The following ABCC4 variants were observed in gnomAD, a reference collection of about 807,000 sequenced individuals.
ABCC4 encodes ATP-binding cassette sub-family C member 4.
ABCC4 carries 102 observed loss-of-function variants against 168.5 expected under a neutral mutation model. The observed-to-expected ratio is 0.61, with a 90% CI of 0.52 to 0.71. ABCC4 has a LOEUF of 0.71. ABCC4 is among the 30% of genes least tolerant of loss of function. The probability of loss-of-function intolerance (pLI) is 0.00; values close to 1 mark genes in which losing one functional copy is unlikely to be tolerated. For synonymous variants in ABCC4, 617 were observed against 590.7 expected (o/e 1.04, Z -0.65); for missense variants, 1,402 against 1,605.8 (o/e 0.87, Z 2.17).
At chr13:95,088,559 A>G (rs2034330611) in intron 20 of ABCC4, among the ~76,000 whole-genome samples, 1 of 152,214 alleles carries the variant, frequency 6.6e-6, no homozygotes, top group Admixed American at 6.5e-5. Context: ...CATGAAATCA[A>G]TGTAATTAGA....
intron 20 of ABCC4, among the ~76,000 whole-genome samples, chr13:95,093,712 G>C (rs924650500): frequency 6.6e-6 from 1 of 152,072 alleles, no homozygotes; most frequent in Admixed American, 6.6e-5. Context: ...ACAAAAGAAA[G>C]AAATAAAGGG....
chr13:95,168,822 T>C (rs536437994), intron 14 of ABCC4, among the ~76,000 whole-genome samples: 2 of 152,322 alleles, frequency 1.3e-5, no homozygotes, highest in African/African-American at 2.4e-5. Context: ...CTAGCTCTTA[T>C]AGGTTGAATG....
intron 20 of ABCC4, among the ~76,000 whole-genome samples, chr13:95,102,418 C>T (rs1044918130): frequency 7.3e-5 from 11 of 151,714 alleles, no homozygotes; most frequent in African/African-American, 2.7e-4. Flanking sequence ...ATTGCTAGGA[C>T]TACAACCATA....
intron 1 of ABCC4, among the ~76,000 whole-genome samples, chr13:95,281,194 C>A (rs1368356978): frequency 6.6e-6 from 1 of 150,664 alleles, no homozygotes; most frequent in Admixed American, 6.7e-5. Flanking sequence ...CCTGTAATCC[C>A]AGCTACTTGG....
intron 20 of ABCC4, among the ~76,000 whole-genome samples, chr13:95,093,012 C>T (rs2034484013): frequency 6.6e-6 from 1 of 152,012 alleles, no homozygotes; most frequent in African/African-American, 2.4e-5. Context: ...ATACCCTGAA[C>T]AGACCAATAA....
intron 1 of ABCC4, among the ~76,000 whole-genome samples, chr13:95,277,336 T>C (rs2138902716): frequency 6.6e-6 from 1 of 152,086 alleles, no homozygotes; most frequent in Admixed American, 6.6e-5. Context: ...ATCCAAGCAC[T>C]TTGGGAGGCC....
At chr13:95,143,983 G>A (rs904684849) in intron 19 of ABCC4, among the ~76,000 whole-genome samples, 2 of 152,146 alleles carry the variant, frequency 1.3e-5, no homozygotes, top group African/African-American at 4.8e-5. Context: ...AGGTGAAGAA[G>A]ACAGAGGTTA....
chr13:95,084,733 A>G (rs2034201908), intron 20 of ABCC4, among the ~76,000 whole-genome samples: 1 of 152,244 alleles, frequency 6.6e-6, no homozygotes, highest in Non-Finnish European at 1.5e-5. Flanking sequence ...TGATAACAAT[A>G]GCAAATGACA....
intron 13 of ABCC4, among the ~76,000 whole-genome samples, chr13:95,172,840 G>A (rs1329898872): frequency 6.6e-6 from 1 of 152,034 alleles, no homozygotes; most frequent in Admixed American, 6.6e-5. Context: ...GATCACTTGA[G>A]CCCAGGAGGT....
intron 15 of ABCC4, among the ~76,000 whole-genome samples, chr13:95,164,819 T>G (rs1336464674): frequency 1.3e-5 from 2 of 152,132 alleles, no homozygotes; most frequent in African/African-American, 2.4e-5. Flanking sequence ...CTCAGCCTCC[T>G]GAGTAGCAGG....
At chr13:95,219,276 T>G (rs544571065) in intron 4 of ABCC4, among the ~76,000 whole-genome samples, 1 of 152,090 alleles carries the variant, frequency 6.6e-6, no homozygotes, top group South Asian at 2.1e-4. Context: ...CCAACTGAAC[T>G]GGTTTATCGA....
intron 11 of ABCC4, among the ~76,000 whole-genome samples, chr13:95,184,661 C>G (rs2139613921): frequency 6.6e-6 from 1 of 152,324 alleles, no homozygotes; most frequent in Middle Eastern, 3.4e-3. Context: ...GCAACAAAGC[C>G]TTCCCAAGAA....
At position 95,210,648 on chromosome 13, in the gene ABCC4, G is replaced by C. The variant is rs776629453; in HGVS notation, c.621+44C>G. The C allele has an allele frequency of 5.5e-6, 8 of 1,461,648 alleles. No individual in the cohort carries two copies. In the Admixed American group the frequency reaches 8.4e-5, roughly 15 times the overall value. 90.5% of individuals were successfully genotyped at this position (1,461,648 alleles called of 1,614,324 possible). On this transcript the variant is annotated intron_variant, in intron 5 of 30. Coordinates refer to ENST00000645237, the MANE Select transcript of ABCC4 (RefSeq NM_005845.5). ...CCAGAAAGAATAAAAGGGGAAAGAGGGGTGTTTAATGCAATGAAAAAGGAT... is the reference window on the plus strand; with the variant it reads ...CCAGAAAGAATAAAAGGGGAAAGAGCGGTGTTTAATGCAATGAAAAAGGAT...
Position 95,086,087 on chromosome 13 carries a change from T to TGTGTGTGTGTGTG in ABCC4, c.2536-2798_2536-2797insCACACACACACAC, listed in dbSNP as rs1555309911. Among the ~76,000 whole-genome samples the TGTGTGTGTGTGTG allele has an allele frequency of 3.5e-5, 5 of 142,092 alleles. No homozygotes were observed. In the South Asian group the frequency reaches 1.2e-3, roughly 35 times the overall value. The allele number at this position is 142,092 out of a possible 152,430, so 93.2% of individuals were successfully genotyped here. ...CTGAATTCTCTAGTTTTTAAGGTTA[T>TGTGTGTGTGTGTG]TGTGTGTGTGTGTGTGTGTGTGTGT... is the stretch of plus-strand genomic sequence containing the variant. On this transcript the variant is annotated intron_variant, in intron 20 of 30. Transcript: ENST00000645237.
At chr13:95,259,047 A>C (rs1289248053) in intron 1 of ABCC4, among the ~76,000 whole-genome samples, 2 of 152,008 alleles carry the variant, frequency 1.3e-5, no homozygotes, top group Non-Finnish European at 2.9e-5. Flanking sequence ...GTGCAGGGAG[A>C]CACAATGACA....
At chr13:95,231,191 C>T (rs1462483183) in intron 4 of ABCC4, among the ~76,000 whole-genome samples, 1 of 152,050 alleles carries the variant, frequency 6.6e-6, no homozygotes, top group African/African-American at 2.4e-5. Flanking sequence ...CAAATTCTGT[C>T]GATGGATGGT....
Position 95,072,322 on chromosome 13 carries a change from G to A in ABCC4, c.3019-469C>T, listed in dbSNP as rs142197740. 5.1e-3 allele frequency among the ~76,000 whole-genome samples: 778 copies of A among 152,190 alleles called. 5 individuals are homozygous for A. The highest frequency in any genetic ancestry group is 0.017 in the African/African-American group (700 of 41,526). On this transcript the variant is annotated intron_variant, in intron 24 of 30. Coordinates refer to ENST00000645237, the MANE Select transcript of ABCC4 (RefSeq NM_005845.5). Reference sequence around the variant, plus strand: ...CTAAAAATACAAAAATTAGCTGGGCGTGGTGCTGCATGCCTGTAATCCCAG... The same window carrying A: ...CTAAAAATACAAAAATTAGCTGGGCATGGTGCTGCATGCCTGTAATCCCAG...
At chr13:95,139,698 T>C (rs2036255342) in intron 19 of ABCC4, among the ~76,000 whole-genome samples, 1 of 152,234 alleles carries the variant, frequency 6.6e-6, no homozygotes, top group African/African-American at 2.4e-5. Flanking sequence ...TGTTCCTTCT[T>C]TGCAGCTTCA....
At chr13:95,038,052 G>T (rs768673583) in intron 29 of ABCC4, among the ~76,000 whole-genome samples, 1 of 152,000 alleles carries the variant, frequency 6.6e-6, no homozygotes, top group African/African-American at 2.4e-5. Flanking sequence ...ATGGGGTTTC[G>T]CTATGTTGCC....
Sources: allele counts gnomAD v4.1 joint callset (sites outside exome capture counted in the v4.1 genomes callset), GRCh38; gene constraint gnomAD v4.1.1; transcripts MANE v1.5; gene names NCBI Gene and HGNC (gene_info 2026-07-23, HGNC 2026-07-21).